KCNB2: variants seen among roughly 807,000 people sequenced by gnomAD.
KCNB2 encodes potassium voltage-gated channel subfamily B member 2, also known as delayed rectifier potassium channel protein.
KCNB2 carries 15 observed loss-of-function variants against 61.5 expected under a neutral mutation model. The ratio of observed to expected loss-of-function variants is 0.24; its 90% CI spans 0.16 to 0.38. The LOEUF (loss-of-function observed/expected upper bound fraction) is 0.38, where lower values mean the gene tolerates loss of function less well. Ranked by LOEUF, KCNB2 falls within the 10% of genes least tolerant of loss-of-function variation. KCNB2 has a pLI of 1.00. For synonymous variants in KCNB2, 457 were observed against 446.0 expected (o/e 1.02, Z -0.31); for missense variants, 828 against 1,125.2 (o/e 0.74, Z 3.78).
At chr8:72,604,994 G>A (rs1805422560) in intron 2 of KCNB2, among the ~76,000 whole-genome samples, 1 of 152,172 alleles carries the variant, frequency 6.6e-6, no homozygotes, top group South Asian at 2.1e-4. Context: ...TTTATCAGCA[G>A]TCTTGCTTAG....
rs576275034 is a variant in KCNB2 at position 72,616,035 on chromosome 8, G to A, written c.579+47722G>A. On this transcript the variant is annotated intron_variant, in intron 2 of 2. Coordinates refer to ENST00000523207, the MANE Select transcript of KCNB2 (RefSeq NM_004770.3). ...TTTATCTCCAGTTCATGAAACCCAA[G>A]GCTACCTATTGACAAGGGAAAAAAA... is the stretch of plus-strand genomic sequence containing the variant. Among the ~76,000 whole-genome samples the A allele has an allele frequency of 2.0e-5, 3 of 152,310 alleles. No homozygotes were observed. The East Asian group carries it at 5.8e-4, about 29-fold the overall frequency.
intron 2 of KCNB2, among the ~76,000 whole-genome samples, chr8:72,732,997 A>G (rs1807774485): frequency 6.6e-6 from 1 of 152,220 alleles, no homozygotes; most frequent in Admixed American, 6.5e-5. Flanking sequence ...TGCTAAAAAA[A>G]AAAACAGAAC....
At chr8:72,669,619 A>G (rs1806530734) in intron 2 of KCNB2, among the ~76,000 whole-genome samples, 2 of 152,336 alleles carry the variant, frequency 1.3e-5, no homozygotes, top group East Asian at 1.9e-4. Flanking sequence ...TAATGAAATC[A>G]CGTGACATGT....
intron 2 of KCNB2, among the ~76,000 whole-genome samples, chr8:72,904,466 T>C (rs567589114): frequency 6.6e-6 from 1 of 152,162 alleles, no homozygotes; most frequent in African/African-American, 2.4e-5. Context: ...CCATGGCACA[T>C]GTTTACCTAT....
At chr8:72,820,129 C>A (rs1351495976) in intron 2 of KCNB2, among the ~76,000 whole-genome samples, 1 of 152,158 alleles carries the variant, frequency 6.6e-6, no homozygotes, top group Non-Finnish European at 1.5e-5. Context: ...ATCAACCGCT[C>A]ATCCCCTTTG....
chr8:72,680,828 T>C (rs1806737855), intron 2 of KCNB2, among the ~76,000 whole-genome samples: 1 of 152,196 alleles, frequency 6.6e-6, no homozygotes, highest in Admixed American at 6.5e-5. Flanking sequence ...TACTATGGGC[T>C]GCTGGGTTCT....
chr8:72,647,097 G>A (rs1416105968), intron 2 of KCNB2, among the ~76,000 whole-genome samples: 1 of 152,122 alleles, frequency 6.6e-6, no homozygotes, highest in Non-Finnish European at 1.5e-5. Context: ...CAGCAGCGAG[G>A]TTGGCAGCGT....
At chr8:72,657,523 T>C (rs1806310478) in intron 2 of KCNB2, among the ~76,000 whole-genome samples, 1 of 152,128 alleles carries the variant, frequency 6.6e-6, no homozygotes, top group African/African-American at 2.4e-5. Flanking sequence ...AATTGAAATA[T>C]CATCTTGAAA....
At chr8:72,731,421 T>G (rs915632085) in intron 2 of KCNB2, among the ~76,000 whole-genome samples, 1 of 152,242 alleles carries the variant, frequency 6.6e-6, no homozygotes, top group African/African-American at 2.4e-5. Flanking sequence ...TAATCATCAT[T>G]GTATGTTAAA....
chr8:72,767,865 C>G (rs909105009), intron 2 of KCNB2, among the ~76,000 whole-genome samples: 2 of 152,196 alleles, frequency 1.3e-5, no homozygotes, highest in African/African-American at 4.8e-5. Flanking sequence ...TCTCCACACC[C>G]TTGCCAACTC....
intron 2 of KCNB2, among the ~76,000 whole-genome samples, chr8:72,736,266 C>T (rs752650908): frequency 1.1e-4 from 17 of 151,630 alleles, no homozygotes; most frequent in African/African-American, 3.9e-4. Context: ...GTCCCTCTAT[C>T]ATTTAAAAAA....
chr8:72,896,624 G>A (rs780902028), intron 2 of KCNB2, among the ~76,000 whole-genome samples: 5 of 152,030 alleles, frequency 3.3e-5, no homozygotes, highest in Admixed American at 1.3e-4. Context: ...CAAATATCAG[G>A]CTTCTTAGTG....
At chr8:72,542,361 T>C (rs138656836) in intron 1 of KCNB2, among the ~76,000 whole-genome samples, 3 of 152,170 alleles carry the variant, frequency 2.0e-5, no homozygotes, top group Non-Finnish European at 4.4e-5. Flanking sequence ...ATTGGCTTAT[T>C]AGATAAAATT....
At chr8:72,606,827 A>G (rs7009604) in intron 2 of KCNB2, among the ~76,000 whole-genome samples, 39,088 of 151,988 alleles carry the variant, frequency 0.26, 5,752 homozygotes, top group East Asian at 0.53. Flanking sequence ...AAGTTAAGGC[A>G]GAAAAGTGTA....
intron 2 of KCNB2, among the ~76,000 whole-genome samples, chr8:72,678,044 C>G (rs974427166): frequency 8.5e-5 from 13 of 152,276 alleles, no homozygotes; most frequent in African/African-American, 3.1e-4. Context: ...ACTGGTTCTT[C>G]CTCAGTTTAA....
intron 2 of KCNB2, among the ~76,000 whole-genome samples, chr8:72,601,411 G>A (rs1805349354): frequency 1.3e-5 from 2 of 152,176 alleles, no homozygotes; most frequent in Admixed American, 6.5e-5. Flanking sequence ...TAGAGAAAGG[G>A]GAGAATCATG....
intron 2 of KCNB2, among the ~76,000 whole-genome samples, chr8:72,676,296 C>T (rs1418538503): frequency 1.3e-5 from 2 of 151,950 alleles, no homozygotes; most frequent in Non-Finnish European, 1.5e-5. Flanking sequence ...TGTGCATTCA[C>T]CTAAATTACT....
At chr8:72,916,478 C>T (rs1255239633) in intron 2 of KCNB2, among the ~76,000 whole-genome samples, 1 of 152,146 alleles carries the variant, frequency 6.6e-6, no homozygotes, top group Admixed American at 6.5e-5. Flanking sequence ...CCATGGGGGC[C>T]CTGCAGCAGC....
In KCNB2 at chr8:72,718,054, C is replaced by G. The variant is rs1585850166; in HGVS notation, c.579+149741C>G. ...AAGACATTTATGCAGCCAAAAAACACATGAAAAAATGCTCATCATCACTGG... is the reference window on the plus strand; with the variant it reads ...AAGACATTTATGCAGCCAAAAAACAGATGAAAAAATGCTCATCATCACTGG... On this transcript the variant is annotated intron_variant, in intron 2 of 2. Transcript: ENST00000523207. Among the ~76,000 whole-genome samples, 4 of 152,032 alleles carry G rather than the reference C, an allele frequency of 2.6e-5. No individual in the cohort carries two copies. The South Asian group carries it at 8.3e-4, about 32-fold the overall frequency.
Sources: allele counts gnomAD v4.1 joint callset (sites outside exome capture counted in the v4.1 genomes callset), GRCh38; gene constraint gnomAD v4.1.1; transcripts MANE v1.5; gene names NCBI Gene and HGNC (gene_info 2026-07-23, HGNC 2026-07-21).